Variants in RTL9 observed in about 807,000 individuals in gnomAD.
RTL9 encodes retrotransposon Gag like 9.
RTL9 carries 19 observed loss-of-function variants against 44.7 expected under a neutral mutation model. That is an observed-to-expected ratio of 0.42 (90% confidence interval 0.30 to 0.62). RTL9 has a LOEUF of 0.62. Among genes scored for constraint, RTL9 ranks in the 20% least tolerant of loss-of-function variants. The pLI is 0.16. For synonymous variants in RTL9, 407 were observed against 398.9 expected, an observed-to-expected ratio of 1.02 and a Z score of -0.24; for missense variants, 1,105 against 1,080.6, an observed-to-expected ratio of 1.02 and a Z score of -0.32.
intron 1 of RTL9, among the ~76,000 whole-genome samples, chrX:110,437,528 G>A (rs2068847904): frequency 8.9e-6 from 1 of 112,068 alleles, no homozygotes; most frequent in African/African-American, 3.2e-5. Flanking sequence ...AATCCAAACT[G>A]TGTCCACTAG....
At chrX:110,418,903 C>T (rs2068697577), upstream of RTL9, among the ~76,000 whole-genome samples, 1 of 110,651 alleles carries the variant, frequency 9.0e-6, no homozygotes, top group Non-Finnish European at 1.9e-5. Context: ...GAGCCCACCC[C>T]CGCCCTTTAC....
chrX:110,440,857 C>T (rs926819292), intron 1 of RTL9, among the ~76,000 whole-genome samples: 1 of 112,037 alleles, frequency 8.9e-6, no homozygotes, highest in African/African-American at 3.3e-5. Context: ...AATCTTCCCT[C>T]CCTAGCTTCT....
chrX:110,398,982 T>C (rs1418814255), intron 1 of RTL9, among the ~76,000 whole-genome samples: 2 of 112,142 alleles, frequency 1.8e-5, no homozygotes, highest in Non-Finnish European at 3.8e-5. Flanking sequence ...ACCTGCCATA[T>C]ATGTTGACTA....
At chrX:110,409,558 A>G (rs937685935) in intron 1 of RTL9, among the ~76,000 whole-genome samples, 2 of 111,159 alleles carry the variant, frequency 1.8e-5, no homozygotes, top group Admixed American at 1.9e-4. Flanking sequence ...ATAATCTGTC[A>G]ATGCCCTCCA....
chrX:110,378,161 C>G (rs1399385441), intron 1 of RTL9, among the ~76,000 whole-genome samples: 1 of 111,753 alleles, frequency 8.9e-6, no homozygotes, highest in African/African-American at 3.3e-5. Flanking sequence ...GGCTACAAGG[C>G]TCAGCTTTGG....
chrX:110,450,627 C>T, exon 1 of RTL9: 3 of 1,209,494 alleles, frequency 2.5e-6, no homozygotes, highest in South Asian at 1.8e-5. Flanking sequence ...TATGTCAATA[C>T]CCTTACATTC....
intron 1 of RTL9, among the ~76,000 whole-genome samples, chrX:110,440,547 A>G (rs750905091): frequency 8.9e-6 from 1 of 111,785 alleles, no homozygotes; most frequent in Non-Finnish European, 1.9e-5. Flanking sequence ...TGGCAGTGTC[A>G]GAGAGCTCCT....
upstream of RTL9, among the ~76,000 whole-genome samples, chrX:110,418,034 A>G (rs1476932166): frequency 8.9e-6 from 1 of 112,472 alleles, no homozygotes; most frequent in Non-Finnish European, 1.9e-5. Context: ...TTGAAGGGTG[A>G]GATGGGGTTA....
chrX:110,451,579 C>A, exon 1 of RTL9: 2 of 1,211,728 alleles, frequency 1.7e-6, no homozygotes, highest in Non-Finnish European at 2.2e-6. Context: ...GAAGTAATGT[C>A]CACACCGCTA....
At chrX:110,395,802 T>G (rs997924491) in intron 1 of RTL9, among the ~76,000 whole-genome samples, 1 of 110,642 alleles carries the variant, frequency 9.0e-6, no homozygotes, top group East Asian at 2.9e-4. Context: ...GCACTGGTAA[T>G]GCAGCCCACA....
upstream of RTL9, among the ~76,000 whole-genome samples, chrX:110,447,578 A>T (rs142624351): frequency 9.1e-6 from 1 of 110,471 alleles, no homozygotes; most frequent in South Asian, 3.9e-4. Flanking sequence ...TTTAAAAAAA[A>T]TTATTATTAT....
upstream of RTL9, among the ~76,000 whole-genome samples, chrX:110,416,655 C>A (rs1265543897): frequency 1.8e-5 from 2 of 111,883 alleles, no homozygotes; most frequent in Non-Finnish European, 3.8e-5. Context: ...AAGACATGGG[C>A]CTCTTTTTGT....
intron 1 of RTL9, among the ~76,000 whole-genome samples, chrX:110,442,680 G>T (rs959768982): frequency 1.8e-5 from 2 of 111,775 alleles, no homozygotes; most frequent in Admixed American, 1.9e-4. Context: ...GTACTGGATG[G>T]ACTAAGCCTC....
chrX:110,412,742 A>G (rs1042706305), intron 1 of RTL9, among the ~76,000 whole-genome samples: 1 of 112,383 alleles, frequency 8.9e-6, no homozygotes, highest in Admixed American at 9.4e-5. Context: ...ATGTGCAATG[A>G]TATCTCCAAT....
upstream of RTL9, among the ~76,000 whole-genome samples, chrX:110,448,203 G>T (rs1603020020): frequency 9.1e-6 from 1 of 110,453 alleles, no homozygotes; most frequent in East Asian, 2.9e-4. Flanking sequence ...GTGTTTGCTT[G>T]CCAGCCCCCA....
chrX:110,446,607 C>T (rs1041595846), upstream of RTL9, among the ~76,000 whole-genome samples: 11 of 111,142 alleles, frequency 9.9e-5, no homozygotes, highest in African/African-American at 3.3e-4. Flanking sequence ...ATTAAAAATC[C>T]CCTCTAATCC....
chrX:110,409,553 C>A (rs1185633974), intron 1 of RTL9, among the ~76,000 whole-genome samples: 1 of 111,366 alleles, frequency 9.0e-6, no homozygotes, highest in South Asian at 3.8e-4. Context: ...TACGTATAAT[C>A]TGTCAATGCC....
intron 1 of RTL9, among the ~76,000 whole-genome samples, chrX:110,389,760 TG>T (rs746511911): frequency 6.8e-4 from 72 of 106,162 alleles, no homozygotes; most frequent in Admixed American, 5.6e-3. Flanking sequence ...GAGGAAGGGA[TG>T]AAAGGAGGAA....
chrX:110,421,798 C>G (rs1258732187), intron 1 of RTL9, among the ~76,000 whole-genome samples: 1 of 112,689 alleles, frequency 8.9e-6, no homozygotes, highest in African/African-American at 3.2e-5. Flanking sequence ...TGGTCCCGGT[C>G]CTTGCCAAAC....
Sources: gnomAD v4.1 joint callset for allele counts (sites outside exome capture counted in the v4.1 genomes callset) on GRCh38, gnomAD v4.1.1 for gene constraint, MANE v1.5 for transcripts, NCBI Gene and HGNC (gene_info 2026-07-23, HGNC 2026-07-21) for gene names.